EPHA6: variants seen among roughly 807,000 people sequenced by gnomAD.
EPHA6 encodes the protein ephrin type-A receptor 6.
A neutral mutation model predicts 112.0 loss-of-function variants in EPHA6; 50 were observed. That is an observed-to-expected ratio of 0.45 (90% CI 0.36 to 0.56). The LOEUF is 0.56. Ranked by LOEUF, EPHA6 falls within the 20% of genes least tolerant of loss-of-function variation. EPHA6 has a pLI of 0.00. For synonymous variants in EPHA6, 529 were observed against 490.7 expected, an observed-to-expected ratio of 1.08 and a Z score of -1.03; for missense variants, 1,280 against 1,417.4, an observed-to-expected ratio of 0.90 and a Z score of 1.56.
At chr3:97,592,365 G>C (rs2093552916) in intron 11 of EPHA6, among the ~76,000 whole-genome samples, 1 of 152,124 alleles carries the variant, frequency 6.6e-6, no homozygotes, top group Admixed American at 6.5e-5. Flanking sequence ...TGTAGGTTTG[G>C]AAATTGTATC....
chr3:97,351,064 G>A (rs1263499508), intron 5 of EPHA6, among the ~76,000 whole-genome samples: 2 of 152,082 alleles, frequency 1.3e-5, no homozygotes, highest in Admixed American at 6.6e-5. Context: ...CCATCCTCAA[G>A]CTCTAAAAAT....
intron 5 of EPHA6, among the ~76,000 whole-genome samples, chr3:97,320,985 A>T (rs1202051678): frequency 6.6e-6 from 1 of 151,970 alleles, no homozygotes; most frequent in Non-Finnish European, 1.5e-5. Flanking sequence ...AAACATTATG[A>T]AACTATTGAC....
chr3:97,355,972 C>T (rs1286499136), intron 5 of EPHA6, among the ~76,000 whole-genome samples: 1 of 152,104 alleles, frequency 6.6e-6, no homozygotes, highest in Non-Finnish European at 1.5e-5. Flanking sequence ...GTCAATTCAG[C>T]AAGAGGATGC....
At chr3:96,892,419 C>T (rs535840359) in intron 2 of EPHA6, among the ~76,000 whole-genome samples, 8 of 152,092 alleles carry the variant, frequency 5.3e-5, no homozygotes, top group Admixed American at 1.3e-4. Context: ...GATAGAGTTT[C>T]GCCGTATTGG....
At chr3:96,895,362 G>A (rs2038211351) in intron 2 of EPHA6, among the ~76,000 whole-genome samples, 2 of 151,824 alleles carry the variant, frequency 1.3e-5, no homozygotes, top group South Asian at 4.1e-4. Context: ...TGTATTTTAA[G>A]TAATATTTTT....
At chr3:97,121,094 C>T (rs2108302803) in intron 3 of EPHA6, among the ~76,000 whole-genome samples, 1 of 152,068 alleles carries the variant, frequency 6.6e-6, no homozygotes, top group Admixed American at 6.6e-5. Context: ...GGAAGATATA[C>T]CAATTTCTCT....
chr3:97,279,329 T>C (rs2108658963), intron 5 of EPHA6, among the ~76,000 whole-genome samples: 1 of 152,280 alleles, frequency 6.6e-6, no homozygotes, highest in South Asian at 2.1e-4. Context: ...AACCCACCCA[T>C]CACATACTTT....
chr3:97,169,636 T>G (rs1219971408), intron 3 of EPHA6, among the ~76,000 whole-genome samples: 1 of 152,180 alleles, frequency 6.6e-6, no homozygotes, highest in African/African-American at 2.4e-5. Context: ...ATTGTCAAAC[T>G]AATATAAATT....
intron 16 of EPHA6, among the ~76,000 whole-genome samples, chr3:97,746,980 G>C (rs1178669341): frequency 6.6e-6 from 1 of 151,888 alleles, no homozygotes; most frequent in Non-Finnish European, 1.5e-5. Context: ...AAAAGGACAT[G>C]GATTCAGGGG....
In EPHA6 at chr3:96,882,768, G is replaced by GTGTGTGTGTA. The variant is rs774521290; in HGVS notation, c.450+15880_450+15881insGTGTGTGTAT. 9.0e-4 allele frequency among the ~76,000 whole-genome samples: 134 copies of GTGTGTGTGTA among 148,896 alleles called. 2 individuals are homozygous for GTGTGTGTGTA. The highest frequency in any genetic ancestry group is 6.8e-3 in the East Asian group (34 of 5,006). On this transcript the variant is annotated intron_variant, in intron 2 of 17. Coordinates refer to ENST00000389672, the MANE Select transcript of EPHA6 (RefSeq NM_001080448.3). ...TGTGTGTGTGTGTGTGTGTGTGTGT[G>GTGTGTGTGTA]TATAGTCAATCATCAATCTATGTGA...
chr3:97,567,076 T>A (rs1057418038), intron 11 of EPHA6, among the ~76,000 whole-genome samples: 4 of 152,198 alleles, frequency 2.6e-5, no homozygotes, highest in Non-Finnish European at 5.9e-5. Context: ...GTCTAGTATT[T>A]TCGGTTCATT....
chr3:97,267,112 G>A (rs372637278), intron 5 of EPHA6, among the ~76,000 whole-genome samples: 1 of 152,126 alleles, frequency 6.6e-6, no homozygotes, highest in African/African-American at 2.4e-5. Context: ...TGTTATACTG[G>A]CTTGCTTATT....
chr3:97,044,502 G>A (rs1484617273), intron 3 of EPHA6, among the ~76,000 whole-genome samples: 6 of 152,140 alleles, frequency 3.9e-5, no homozygotes, highest in Non-Finnish European at 8.8e-5. Flanking sequence ...GATAAGTGAT[G>A]AGGAATGAAT....
intron 6 of EPHA6, among the ~76,000 whole-genome samples, chr3:97,438,871 T>C (rs2089991686): frequency 6.6e-6 from 1 of 152,176 alleles, no homozygotes; most frequent in African/African-American, 2.4e-5. Flanking sequence ...ACCTTTCCAG[T>C]TTTCATAGAT....
intron 11 of EPHA6, among the ~76,000 whole-genome samples, chr3:97,551,946 C>A (rs2093034674): frequency 6.6e-6 from 1 of 151,948 alleles, no homozygotes; most frequent in Non-Finnish European, 1.5e-5. Context: ...TAGCTTGTTC[C>A]CCAAATGGAG....
intron 14 of EPHA6, among the ~76,000 whole-genome samples, chr3:97,661,874 C>T (rs1266506644): frequency 6.6e-6 from 1 of 152,130 alleles, no homozygotes; most frequent in Non-Finnish European, 1.5e-5. Flanking sequence ...TCCTTGTATA[C>T]AAAGTGCATG....
At chr3:96,881,496 T>C (rs2037313558) in intron 2 of EPHA6, among the ~76,000 whole-genome samples, 1 of 152,166 alleles carries the variant, frequency 6.6e-6, no homozygotes. Flanking sequence ...CGTGATTCAG[T>C]TATCTCCCAC....
intron 2 of EPHA6, among the ~76,000 whole-genome samples, chr3:96,882,157 T>C (rs1330467497): frequency 2.6e-5 from 4 of 152,182 alleles, no homozygotes; most frequent in Non-Finnish European, 1.5e-5. Context: ...GAACTCTGTG[T>C]GGAGGCTCTG....
chr3:96,865,849 A>G (rs1341097249), intron 1 of EPHA6, among the ~76,000 whole-genome samples: 2 of 151,900 alleles, frequency 1.3e-5, no homozygotes, highest in East Asian at 1.9e-4. Context: ...TTAAAAATAA[A>G]TATCTGCTGA....
Sources: gnomAD v4.1 joint callset for allele counts (sites outside exome capture counted in the v4.1 genomes callset) on GRCh38, gnomAD v4.1.1 for gene constraint, MANE v1.5 for transcripts, NCBI Gene and HGNC (gene_info 2026-07-23, HGNC 2026-07-21) for gene names.